Variants in PDE1C observed in about 807,000 individuals in gnomAD.
PDE1C encodes the protein phosphodiesterase 1C.
In PDE1C, 62 loss-of-function variants were observed where a neutral mutation model predicts 93.1. The observed-to-expected ratio is 0.67, with a 90% CI of 0.54 to 0.82. The LOEUF is 0.82. PDE1C is among the 40% of genes least tolerant of loss of function. PDE1C has a pLI of 0.00. For missense variants in PDE1C, 742 were observed against 884.6 expected (o/e 0.84, Z 2.04); for synonymous variants, 325 against 310.1 (o/e 1.05, Z -0.50).
At chr7:32,324,592 A>T (rs1783367340) in intron 1 of PDE1C, among the ~76,000 whole-genome samples, 1 of 152,242 alleles carries the variant, frequency 6.6e-6, no homozygotes, top group South Asian at 2.1e-4. Flanking sequence ...AAATAAGCTT[A>T]ATCAATGCTG....
intron 2 of PDE1C, among the ~76,000 whole-genome samples, chr7:31,988,249 C>T (rs1783672516): frequency 6.6e-6 from 1 of 152,216 alleles, no homozygotes; most frequent in African/African-American, 2.4e-5. Context: ...ATTCTGTCCA[C>T]TCTGCCCAGA....
At chr7:31,882,492 C>A (rs200011402) in intron 2 of PDE1C, among the ~76,000 whole-genome samples, 2 of 152,162 alleles carry the variant, frequency 1.3e-5, no homozygotes, top group East Asian at 3.9e-4. Context: ...GCTAAGTCTG[C>A]CTCCAGTTCT....
intron 1 of PDE1C, among the ~76,000 whole-genome samples, chr7:32,398,447 G>A (rs1324109558): frequency 6.6e-6 from 1 of 151,640 alleles, no homozygotes; most frequent in Middle Eastern, 3.2e-3. Flanking sequence ...AGAGTGCAGT[G>A]GCGCAATCTT....
At chr7:32,263,397 A>C (rs960508494) in intron 1 of PDE1C, among the ~76,000 whole-genome samples, 3 of 151,672 alleles carry the variant, frequency 2.0e-5, no homozygotes, top group African/African-American at 4.9e-5. Flanking sequence ...GTAGTGAATA[A>C]ATTTAATTTA....
chr7:31,695,687 T>C, the PDE1C span: 7 of 1,475,932 alleles, frequency 4.7e-6, 1 homozygote, highest in South Asian at 9.4e-5. Flanking sequence ...GCATTGTTCG[T>C]ACACATTTTT....
intron 2 of PDE1C, among the ~76,000 whole-genome samples, chr7:32,205,163 A>G (rs1805340243): frequency 2.0e-5 from 3 of 152,186 alleles, no homozygotes; most frequent in Admixed American, 6.5e-5. Flanking sequence ...TCATCCAGCA[A>G]TTAAAGGGTC....
intron 2 of PDE1C, among the ~76,000 whole-genome samples, chr7:32,205,866 A>C (rs1805434210): frequency 6.6e-6 from 1 of 152,162 alleles, no homozygotes; most frequent in African/African-American, 2.4e-5. Flanking sequence ...AAGATCGTGA[A>C]CCCATCAGAA....
the PDE1C span, among the ~76,000 whole-genome samples, chr7:31,730,594 C>G: frequency 6.6e-6 from 1 of 152,304 alleles, no homozygotes; most frequent in Non-Finnish European, 1.5e-5. Context: ...TTACTAAATG[C>G]CTTTTTATTT....
intron 1 of PDE1C, among the ~76,000 whole-genome samples, chr7:32,287,469 C>T (rs1217147138): frequency 1.3e-5 from 2 of 152,242 alleles, no homozygotes; most frequent in Non-Finnish European, 1.5e-5. Flanking sequence ...GCACCCTGGC[C>T]TTGCCATCAG....
At chr7:32,102,757 A>C (rs543223949) in intron 3 of PDE1C, among the ~76,000 whole-genome samples, 1 of 152,298 alleles carries the variant, frequency 6.6e-6, no homozygotes, top group South Asian at 2.1e-4. Flanking sequence ...TGTCTCCTGG[A>C]GACTAATGGC....
At chr7:31,640,635 C>T in the PDE1C span, among the ~76,000 whole-genome samples, 2 of 142,242 alleles carry the variant, frequency 1.4e-5, no homozygotes, top group African/African-American at 2.5e-5. Flanking sequence ...TCCATTGTCT[C>T]GAAAAACTTT....
intron 7 of PDE1C, among the ~76,000 whole-genome samples, chr7:31,862,989 C>G (rs1794858574): frequency 6.6e-6 from 1 of 152,066 alleles, no homozygotes; most frequent in Admixed American, 6.6e-5. Flanking sequence ...ACATGAATTT[C>G]AGATTCAGAT....
At chr7:31,642,707 G>C in the PDE1C span, 1 of 1,613,828 alleles carries the variant, frequency 6.2e-7, no homozygotes, top group African/African-American at 1.3e-5. Context: ...AACAGCCAGA[G>C]TCCTGCTGAG....
the PDE1C span, among the ~76,000 whole-genome samples, chr7:31,619,760 T>C: frequency 6.6e-6 from 1 of 152,060 alleles, no homozygotes; most frequent in African/African-American, 2.4e-5. Context: ...TGGGCGCAGG[T>C]CAGTGGGTGC....
At chr7:31,941,057 G>C (rs1805775082) in intron 2 of PDE1C, among the ~76,000 whole-genome samples, 1 of 151,938 alleles carries the variant, frequency 6.6e-6, no homozygotes, top group African/African-American at 2.4e-5. Context: ...GTGGAAACAT[G>C]GATATTTCAA....
At chr7:32,226,792 T>C (rs1300724619) in intron 1 of PDE1C, among the ~76,000 whole-genome samples, 4 of 152,186 alleles carry the variant, frequency 2.6e-5, no homozygotes, top group African/African-American at 7.2e-5. Context: ...TTACCAGTCA[T>C]GGGTGAGCCA....
the PDE1C span, among the ~76,000 whole-genome samples, chr7:31,677,680 C>G: frequency 6.6e-6 from 1 of 152,066 alleles, no homozygotes; most frequent in African/African-American, 2.4e-5. Context: ...AATGTAGTAC[C>G]TTATGTATTA....
At chr7:31,642,650 C>A in the PDE1C span, 1 of 1,593,264 alleles carries the variant, frequency 6.3e-7, no homozygotes, top group East Asian at 2.2e-5. Flanking sequence ...CACTTCCTGA[C>A]CTGTTTCCCT....
At chr7:31,687,622 T>C in the PDE1C span, among the ~76,000 whole-genome samples, 6 of 152,216 alleles carry the variant, frequency 3.9e-5, no homozygotes, top group African/African-American at 1.4e-4. Context: ...ACAGAAAGTA[T>C]GCTTCTCAAA....
Sources: gnomAD v4.1 joint callset for allele counts (sites outside exome capture counted in the v4.1 genomes callset) on GRCh38, gnomAD v4.1.1 for gene constraint, MANE v1.5 for transcripts, NCBI Gene and HGNC (gene_info 2026-07-23, HGNC 2026-07-21) for gene names.